HTR2A: variants seen among roughly 807,000 people sequenced by gnomAD.
HTR2A encodes 5-hydroxytryptamine receptor 2A, also known as 5-HT2 receptor.
Under a neutral mutation model 31.0 loss-of-function variants are expected in HTR2A, and 14 were observed. That is an observed-to-expected ratio of 0.45 (90% confidence interval 0.30 to 0.71). The LOEUF (loss-of-function observed/expected upper bound fraction) is 0.71. HTR2A is among the 30% of genes least tolerant of loss of function. The pLI is 0.09. For synonymous variants in HTR2A, 209 were observed against 225.2 expected, an observed-to-expected ratio of 0.93 and a Z score of 0.64; for missense variants, 442 against 573.3, an observed-to-expected ratio of 0.77 and a Z score of 2.34.
intron 3 of HTR2A, among the ~76,000 whole-genome samples, chr13:46,873,635 C>T (rs1950882842): frequency 6.6e-6 from 1 of 151,988 alleles, no homozygotes; most frequent in Non-Finnish European, 1.5e-5. Context: ...TGTGATGTTC[C>T]CCTTCCTGTG....
In HTR2A at chr13:46,835,338, G is replaced by A. The variant is rs766775131; in HGVS notation, c.915C>T (p.Ser305=). 1.2e-6 allele frequency: 2 copies of A among 1,614,088 alleles called. No homozygotes were observed. Among genetic ancestry groups the A allele is most frequent in the South Asian group, 1.1e-5 (1 of 91,076 alleles). ...FQRSIHREPG[S]YTGRRTMQSI... The stretch of plus-strand genomic sequence containing the variant: ...ACTGCATAGTCCTCCTGCCTGTGTA[G>A]GACCCTGGCTCCCTATGGATCGACC... The change falls in exon 4 of 4, where the codon TCC becomes TCT. Residue 305 remains serine (S), a synonymous_variant. Transcript: ENST00000542664.
intron 3 of HTR2A, among the ~76,000 whole-genome samples, chr13:46,837,755 T>A (rs1950571479): frequency 6.6e-6 from 1 of 152,258 alleles, no homozygotes; most frequent in African/African-American, 2.4e-5. Flanking sequence ...TCACCTCACA[T>A]TGGCCATCGT....
intron 3 of HTR2A, among the ~76,000 whole-genome samples, chr13:46,884,579 G>T (rs1950991263): frequency 6.6e-6 from 1 of 152,134 alleles, no homozygotes; most frequent in African/African-American, 2.4e-5. Flanking sequence ...CAGGAGAATG[G>T]CGTGAACCTG....
chr13:46,894,395 G>A (rs1951083405), intron 2 of HTR2A, among the ~76,000 whole-genome samples: 2 of 152,186 alleles, frequency 1.3e-5, no homozygotes, highest in African/African-American at 4.8e-5. Flanking sequence ...CCGGGATGCC[G>A]GGGAAAGGGC....
chr13:46,897,988 A>G (rs1193386151), upstream of HTR2A, among the ~76,000 whole-genome samples: 1 of 151,984 alleles, frequency 6.6e-6, no homozygotes, highest in East Asian at 1.9e-4. Context: ...ACCTCTTCAG[A>G]CAGCTGCTGT....
chr13:46,882,881 G>C (rs1950977014), intron 3 of HTR2A, among the ~76,000 whole-genome samples: 2 of 152,108 alleles, frequency 1.3e-5, no homozygotes, highest in African/African-American at 4.8e-5. Context: ...ATCCAAGAGA[G>C]ATCCACCATG....
At chr13:46,856,962 G>A (rs530334230) in intron 3 of HTR2A, among the ~76,000 whole-genome samples, 40 of 152,248 alleles carry the variant, frequency 2.6e-4, no homozygotes, top group African/African-American at 8.9e-4. Context: ...ATCCATTCAG[G>A]CTGCTAGAAC....
chr13:46,852,120 G>A (rs1362462085), intron 3 of HTR2A: 1 of 152,266 alleles, frequency 6.6e-6, no homozygotes, highest in African/African-American at 2.4e-5. Flanking sequence ...AAGCTGGAGG[G>A]GCCAGTGACA....
intron 3 of HTR2A, among the ~76,000 whole-genome samples, chr13:46,874,108 A>G (rs943512658): frequency 1.3e-5 from 2 of 152,246 alleles, no homozygotes; most frequent in African/African-American, 4.8e-5. Context: ...CAAGTTATTG[A>G]AAAGACAAAA....
intron 3 of HTR2A, chr13:46,854,391 C>G (rs1012672001): frequency 6.6e-6 from 1 of 152,206 alleles, no homozygotes; most frequent in South Asian, 2.1e-4. Flanking sequence ...AGCTACCACA[C>G]CTTAGTGCTT....
At chr13:46,875,115 A>T (rs1395450869) in intron 3 of HTR2A, among the ~76,000 whole-genome samples, 1 of 152,248 alleles carries the variant, frequency 6.6e-6, no homozygotes, top group Non-Finnish European at 1.5e-5. Flanking sequence ...TCTTTATTAA[A>T]TGTATAGCCT....
chr13:46,896,850 C>A lies in HTR2A; in HGVS notation c.-505G>T. 6.5e-7 allele frequency: 1 copy of A among 1,536,216 alleles called. No individual in the cohort carries two copies. Among genetic ancestry groups the A allele is most frequent in the Non-Finnish European group, 8.7e-7 (1 of 1,146,494 alleles). ...AAACTGCATGCAAGAGCTGAGCCAGCTCCCGCACTGCTAGGATCCTGTTGG... is the reference window on the plus strand; with the variant it reads ...AAACTGCATGCAAGAGCTGAGCCAGATCCCGCACTGCTAGGATCCTGTTGG... On this transcript the variant is annotated 5_prime_UTR_variant, in exon 1 of 4. Transcript: ENST00000542664.
intron 3 of HTR2A, among the ~76,000 whole-genome samples, chr13:46,876,135 C>T (rs975502909): frequency 2.6e-5 from 4 of 152,074 alleles, no homozygotes; most frequent in Non-Finnish European, 4.4e-5. Context: ...CGAGCCATAT[C>T]ATAACATCTT....
At chr13:46,851,576 G>A (rs1950685215) in intron 3 of HTR2A, among the ~76,000 whole-genome samples, 2 of 152,228 alleles carry the variant, frequency 1.3e-5, no homozygotes, top group African/African-American at 4.8e-5. Context: ...AATTGCTTCA[G>A]TTTTCCAGGT....
Position 46,876,405 on chromosome 13 carries a change from T to TATA in HTR2A, c.613+15984_613+15985insTAT, listed in dbSNP as rs1491555525. Among the ~76,000 whole-genome samples, 153 of 52,682 alleles carry TATA rather than the reference T, an allele frequency of 2.9e-3. 1 individual carries two copies. The highest frequency in any genetic ancestry group is 0.023 in the East Asian group (30 of 1,294). 34.6% of individuals were successfully genotyped at this position (52,682 alleles called of 152,430 possible). A position where few individuals can be genotyped will look rare whatever the true frequency, so the allele number is the denominator to read the frequency against. ...TGATTCATATATATATATATATATA[T>TATA]TTTTTTTTTTTTTTTTTTTTTTGAG... On this transcript the variant is annotated intron_variant, in intron 3 of 3. Coordinates refer to ENST00000542664, the MANE Select transcript of HTR2A (RefSeq NM_000621.5).
chr13:46,870,775 C>T (rs1950858125), intron 3 of HTR2A, among the ~76,000 whole-genome samples: 2 of 152,022 alleles, frequency 1.3e-5, no homozygotes. Flanking sequence ...TAGAGCTAAG[C>T]CAGGGATTTG....
At chr13:46,850,387 A>G (rs768720600) in intron 3 of HTR2A, among the ~76,000 whole-genome samples, 4 of 152,208 alleles carry the variant, frequency 2.6e-5, no homozygotes, top group Non-Finnish European at 4.4e-5. Flanking sequence ...TATTATTATC[A>G]CTGTTTGCTG....
chr13:46,881,695 A>T (rs1248751526), intron 3 of HTR2A, among the ~76,000 whole-genome samples: 1 of 152,192 alleles, frequency 6.6e-6, no homozygotes, highest in Non-Finnish European at 1.5e-5. Context: ...ATAGTCTCTG[A>T]CATGTACTTC....
chr13:46,869,783 C>A (rs1369693401), intron 3 of HTR2A, among the ~76,000 whole-genome samples: 2 of 152,058 alleles, frequency 1.3e-5, no homozygotes, highest in African/African-American at 4.8e-5. Flanking sequence ...AAACAGTATG[C>A]TAAGTGAAAT....
Sources: allele counts gnomAD v4.1 joint callset (sites outside exome capture counted in the v4.1 genomes callset), GRCh38; gene constraint gnomAD v4.1.1; transcripts MANE v1.5; gene names NCBI Gene and HGNC (gene_info 2026-07-23, HGNC 2026-07-21).